The following ZNF486 variants were observed in gnomAD, a reference collection of about 807,000 sequenced individuals.
ZNF486 encodes the protein zinc finger protein 486, also known as KRAB box only protein 2.
Under a neutral mutation model 12.8 loss-of-function variants are expected in ZNF486, and 12 were observed. The ratio of observed to expected loss-of-function variants is 0.94; its 90% confidence interval spans 0.60 to 1.52. The LOEUF is 1.52. Ranked by LOEUF, ZNF486 falls within the 40% of genes most tolerant of loss-of-function variation. The pLI is 0.00. For missense variants in ZNF486, 738 were observed against 545.0 expected (o/e 1.35, Z -3.53); for synonymous variants, 231 against 184.9 (o/e 1.25, Z -2.02).
At chr19:20,174,617 C>T (rs1195868747) in intron 1 of ZNF486, among the ~76,000 whole-genome samples, 1 of 152,052 alleles carries the variant, frequency 6.6e-6, no homozygotes, top group Non-Finnish European at 1.5e-5. Context: ...TTGAACTTTT[C>T]ACCTCAGGTG....
At chr19:20,186,209 GT>G in intron 3 of ZNF486, 127 bp downstream of exon 3, 2 of 504,642 alleles carry the variant, frequency 4.0e-6, no homozygotes, top group Non-Finnish European at 6.5e-6. Context: ...CTGGGCAGCT[GT>G]TTTATTTATT....
chr19:20,189,838 T>G (rs2089885599), intron 3 of ZNF486, among the ~76,000 whole-genome samples: 1 of 152,218 alleles, frequency 6.6e-6, no homozygotes, highest in South Asian at 2.1e-4. Context: ...AGTTAAACTT[T>G]TCTTGTATTT....
intron 3 of ZNF486, among the ~76,000 whole-genome samples, chr19:20,189,294 C>G (rs1172408937): frequency 6.6e-6 from 1 of 152,188 alleles, no homozygotes; most frequent in Admixed American, 6.5e-5. Context: ...TGGTCTCAAA[C>G]TCCTGATCTC....
rs782812765 is a variant in ZNF486, at chr19:20,198,048, C to T, written c.1338C>T (p.Ser446=). 1.2e-6 allele frequency: 2 copies of T among 1,611,294 alleles called. No individual in the cohort carries two copies. The highest frequency in any genetic ancestry group is 1.7e-6 in the Non-Finnish European group (2 of 1,178,498). The part of the protein sequence containing the change: ...CKECGKAFNW[S]SDLNKHKRIH... ...AATGTGGCAAAGCTTTTAACTGGTCCTCAGACCTTAATAAACATAAGAGAA... is the reference window on the plus strand; with the variant it reads ...AATGTGGCAAAGCTTTTAACTGGTCTTCAGACCTTAATAAACATAAGAGAA... The change falls in exon 4 of 4, where the codon TCC becomes TCT. Residue 446 remains serine, a synonymous_variant. Transcript: ENST00000335117.
At chr19:20,188,502 A>T in intron 3 of ZNF486, 1 of 398,500 alleles carries the variant, frequency 2.5e-6, no homozygotes, top group Non-Finnish European at 4.4e-6. Context: ...TGGGAAAGAT[A>T]TGGAGACCCC....
rs1265389732 is a variant in ZNF486, at chr19:20,200,108, A to G, written c.*2006A>G. 2 of 151,938 alleles carry G rather than the reference A, an allele frequency of 1.3e-5. No individual in the cohort carries two copies. Among genetic ancestry groups the G allele is most frequent in the Admixed American group, 6.6e-5 (1 of 15,214 alleles). 9.4% of individuals were successfully genotyped at this position (151,938 alleles called of 1,614,324 possible). A position where few individuals can be genotyped will look rare whatever the true frequency, so the allele number is the denominator to read the frequency against. On this transcript the variant is annotated 3_prime_UTR_variant, in exon 4 of 4. Coordinates refer to ENST00000335117, the MANE Select transcript of ZNF486 (RefSeq NM_052852.4). ...AAAGTGTATTTGTTTCCTTAAAAAA[A>G]TTTTTCTGAAAAGTGGGTAATGACA...
chr19:20,181,070 C>A lies in ZNF486; in HGVS notation c.31-3286C>A, dbSNP rs536457174. On this transcript the variant is annotated intron_variant, in intron 1 of 3. Transcript: ENST00000335117. Reference sequence around the variant, plus strand: ...GAGAACAGAATTCTACATAAGTCCTCACACTGCCTGAGACCTGATCAGATT... The same window carrying A: ...GAGAACAGAATTCTACATAAGTCCTAACACTGCCTGAGACCTGATCAGATT... 2.6e-5 allele frequency among the ~76,000 whole-genome samples: 4 copies of A among 152,182 alleles called. No homozygotes were observed. In the South Asian group the frequency reaches 8.3e-4, roughly 32 times the overall value.
intron 1 of ZNF486, among the ~76,000 whole-genome samples, chr19:20,175,534 T>TTAATGAGCA (rs766380717): frequency 1.3e-3 from 204 of 151,356 alleles, no homozygotes; most frequent in Non-Finnish European, 2.4e-3. Flanking sequence ...GTGATGACTC[T>TTAATGAGCA]TAATGAGCAT....
rs1340082696 is a variant in ZNF486 at position 20,196,819 on chromosome 19, A to G, written c.254-145A>G. 3 of 1,125,432 alleles carry G rather than the reference A, an allele frequency of 2.7e-6. No individual in the cohort carries two copies. In the East Asian group the frequency reaches 8.3e-5, roughly 31 times the overall value. The allele number at this position is 1,125,432 out of a possible 1,614,324, so 69.7% of individuals were successfully genotyped here. On this transcript the variant is annotated intron_variant, in intron 3 of 3. Transcript: ENST00000335117. ...TGGTCAGTATGTTTTTGTTACCTTT[A>G]TATGTCCAGGAAGAAATTACAGCTT...
Position 20,197,381 on chromosome 19 carries a change from A to G in ZNF486, c.671A>G (p.His224Arg). 6.2e-7 allele frequency: 1 copy of G among 1,613,282 alleles called. No homozygotes were observed. Among genetic ancestry groups the G allele is most frequent in the Non-Finnish European group, 8.5e-7 (1 of 1,179,646 alleles). Reference sequence around the variant, plus strand: ...GGCAAAGCCTTCAACCGGTCCTCACACCTTACTACACATAAGATAACTCAT... The same window carrying G: ...GGCAAAGCCTTCAACCGGTCCTCACGCCTTACTACACATAAGATAACTCAT... ...ECGKAFNRSS[H>R]LTTHKITHTR... The change falls in exon 4 of 4, where the codon CAC (histidine) becomes CGC (arginine). Residue 224 changes from histidine to arginine, a missense_variant. By Grantham distance (29) the His-to-Arg change is conservative. Transcript: ENST00000335117.
intron 1 of ZNF486, among the ~76,000 whole-genome samples, chr19:20,182,326 A>G (rs543321971): frequency 1.3e-4 from 20 of 152,358 alleles, no homozygotes; most frequent in Middle Eastern, 3.4e-3. Context: ...TTATAAGCCC[A>G]TTAAAGCTTG....
chr19:20,169,369 A>G (rs1555713519), intron 1 of ZNF486, among the ~76,000 whole-genome samples: 2 of 152,208 alleles, frequency 1.3e-5, no homozygotes, highest in African/African-American at 4.8e-5. Context: ...TTGGCCTCCC[A>G]AAGTGCTGGG....
intron 1 of ZNF486, among the ~76,000 whole-genome samples, chr19:20,171,076 GTCAGAAT>G (rs1283238426): frequency 6.6e-6 from 1 of 152,218 alleles, no homozygotes; most frequent in East Asian, 1.9e-4. Context: ...TTTAGGTGCT[GTCAGAAT>G]TCAAATATTA....
intron 3 of ZNF486, among the ~76,000 whole-genome samples, chr19:20,192,835 C>T (rs2089915504): frequency 2.0e-5 from 3 of 152,102 alleles, no homozygotes; most frequent in Non-Finnish European, 2.9e-5. Context: ...AAGTGATGAG[C>T]CTACCTTGGC....
In ZNF486 at chr19:20,197,944, G is replaced by A. The variant is rs782712443; in HGVS notation, c.1234G>A (p.Gly412Ser). ...GAAACCCTACAAATGTGAAGAATGT[G>A]GCAAAGCGTATACTACATCCTCAAA... The part of the protein sequence containing the change: ...GEKPYKCEEC[G>S]KAYTTSSNLT... The change falls in exon 4 of 4, where the codon GGC becomes AGC. Residue 412 changes from glycine (G) to serine (S), a missense_variant. Physicochemically the swap from Gly to Ser is moderately conservative, Grantham distance 56 (BLOSUM62 0). Transcript: ENST00000335117. 5 of 1,613,728 alleles carry A rather than the reference G, an allele frequency of 3.1e-6. No homozygotes were observed. Among genetic ancestry groups the A allele is most frequent in the Non-Finnish European group, 4.2e-6 (5 of 1,179,794 alleles).
At position 20,197,531 on chromosome 19, in the gene ZNF486, C is replaced by T; in HGVS notation, c.821C>T (p.Ala274Val). 6.2e-7 allele frequency: 1 copy of T among 1,612,588 alleles called. No homozygotes were observed. Among genetic ancestry groups the T allele is most frequent in the Non-Finnish European group, 8.5e-7 (1 of 1,179,372 alleles). Residue 274 changes from alanine to valine, a missense_variant, in exon 4 of 4, where the codon GCC (alanine) becomes GTC (valine). By Grantham distance (64) the Ala-to-Val change is moderately conservative. Coordinates refer to ENST00000335117, the MANE Select transcript of ZNF486 (RefSeq NM_052852.4). ...KPYICEECGKAFMYPYTLTTH... is the reference protein window; with the variant it reads ...KPYICEECGKVFMYPYTLTTH... Reference sequence around the variant, plus strand: ...TACATTTGTGAAGAATGTGGCAAAGCCTTTATGTACCCCTATACCCTTACT... The same window carrying T: ...TACATTTGTGAAGAATGTGGCAAAGTCTTTATGTACCCCTATACCCTTACT...
chr19:20,186,827 A>C (rs2089853111), intron 3 of ZNF486, among the ~76,000 whole-genome samples: 1 of 131,292 alleles, frequency 7.6e-6, no homozygotes, highest in Admixed American at 9.1e-5. Context: ...TCTGTTGCCC[A>C]GGCTGGAGTG....
rs566918041 is a variant in ZNF486, at chr19:20,175,702, C to A, written c.30+8342C>A. 3.7e-4 allele frequency among the ~76,000 whole-genome samples: 57 copies of A among 152,274 alleles called. No homozygotes were observed. In the East Asian group the frequency reaches 5.6e-3, roughly 15 times the overall value. On this transcript the variant is annotated intron_variant, in intron 1 of 3. Coordinates refer to ENST00000335117, the MANE Select transcript of ZNF486 (RefSeq NM_052852.4). ...GCAGAAGAATTTTTCTTAGTACAGA[C>A]CAAAATGAAAAGTCTCCCATGTCTA...
At chr19:20,177,303 G>T (rs1339572980) in intron 1 of ZNF486, among the ~76,000 whole-genome samples, 2 of 152,222 alleles carry the variant, frequency 1.3e-5, no homozygotes, top group Non-Finnish European at 2.9e-5. Flanking sequence ...TTTTGTAGCA[G>T]AGTGAAATCT....
Sources: allele counts gnomAD v4.1 joint callset (sites outside exome capture counted in the v4.1 genomes callset), GRCh38; gene constraint gnomAD v4.1.1; transcripts MANE v1.5; gene names NCBI Gene and HGNC (gene_info 2026-07-23, HGNC 2026-07-21).